Variants in ZNF229 observed in about 807,000 individuals in gnomAD.
The protein encoded by ZNF229 is zinc finger protein 229.
A neutral mutation model predicts 11.8 loss-of-function variants in ZNF229; 10 were observed. The observed-to-expected ratio is 0.85, with a 90% CI of 0.52 to 1.44. ZNF229 has a LOEUF of 1.44. Among genes scored for constraint, ZNF229 ranks in the 40% most tolerant of loss-of-function variants. ZNF229 has a pLI of 0.00. For synonymous variants in ZNF229, 368 were observed against 374.8 expected (o/e 0.98, Z 0.21); for missense variants, 1,045 against 1,015.1 (o/e 1.03, Z -0.40).
At chr19:44,446,269 A>T (rs138910894) in intron 2 of ZNF229, among the ~76,000 whole-genome samples, 51 of 152,338 alleles carry the variant, frequency 3.3e-4, no homozygotes, top group African/African-American at 1.2e-3. Context: ...AGTCTGAGGA[A>T]AACAGGTAAA....
At position 44,429,099 on chromosome 19, in the gene ZNF229, AT is replaced by A. The variant is rs1971649742; in HGVS notation, c.1681del (p.Ile561SerfsTer259). The A allele has an allele frequency of 1.9e-6, 3 of 1,612,488 alleles. No individual in the cohort carries two copies. In the East Asian group the frequency reaches 6.7e-5, roughly 36 times the overall value. On this transcript the variant is annotated frameshift_variant, in exon 6 of 6. Transcript: ENST00000614049. LOFTEE classifies it low-confidence loss of function (END_TRUNC). Reference protein sequence around the residue: ...KSFGRSSDLHIHQRVHTGEKP... With the variant: ...KSFGRSSDLHXHQRVHTGEKP... ...CTCTCCTGTGTGGACCCTCTGATGGATGTGGAGGTCGGAGCTCCGGCCAAAG... is the reference window on the plus strand; with the variant it reads ...CTCTCCTGTGTGGACCCTCTGATGGAGTGGAGGTCGGAGCTCCGGCCAAAG...
At chr19:44,432,098 T>C (rs562797713) in intron 5 of ZNF229, 124 bp downstream of exon 5, 2 of 1,470,258 alleles carry the variant, frequency 1.4e-6, no homozygotes, top group East Asian at 2.4e-5. Flanking sequence ...CCACTCAGTC[T>C]GGCAATTTTT....
chr19:44,429,400 A>G lies in ZNF229; in HGVS notation c.1381T>C (p.Tyr461His). ...CCCTTTCCACACTCGCCACAGCTGT[A>G]GGGCTTTTCTCCAGGGTGAATGTGC... Reference protein sequence around the residue: ...HQHIHPGEKPYSCGECGKGFS... With the variant: ...HQHIHPGEKPHSCGECGKGFS... The change falls in exon 6 of 6, where the codon TAC becomes CAC. Residue 461 changes from tyrosine to histidine, a missense_variant. By Grantham distance (83) the Tyr-to-His change is moderately conservative (BLOSUM62 2). Coordinates refer to ENST00000614049, the MANE Select transcript of ZNF229 (RefSeq NM_014518.4). 6.2e-7 allele frequency: 1 copy of G among 1,614,014 alleles called. No homozygotes were observed. The highest frequency in any genetic ancestry group is 1.1e-5 in the South Asian group (1 of 91,084).
At chr19:44,446,019 G>A (rs1439242080) in intron 2 of ZNF229, among the ~76,000 whole-genome samples, 2 of 152,180 alleles carry the variant, frequency 1.3e-5, no homozygotes, top group South Asian at 4.1e-4. Context: ...AACATTCTAG[G>A]TGGAAATCAG....
At position 44,429,891 on chromosome 19, in the gene ZNF229, T is replaced by C. The variant is rs567948020; in HGVS notation, c.890A>G (p.Glu297Gly). 5.5e-5 allele frequency: 89 copies of C among 1,614,028 alleles called. 1 individual carries two copies. In the Middle Eastern group the frequency reaches 6.6e-4, roughly 12 times the overall value. Residue 297 changes from glutamate to glycine, a missense_variant, in exon 6 of 6, where the codon GAG becomes GGG. Glu to Gly is a moderately conservative substitution (Grantham distance 98). Transcript: ENST00000614049. ...PLKEKLCQYD[E>G]FSEGLRHSAH... ...ACTGTGCCTCAAGCCCTCACTAAAC[T>C]CATCATATTGACAGAGTTTCTCTTT...
chr19:44,433,152 C>T (rs1357694323), intron 4 of ZNF229, among the ~76,000 whole-genome samples: 1 of 152,092 alleles, frequency 6.6e-6, no homozygotes, highest in Non-Finnish European at 1.5e-5. Context: ...CTCCAGGGTT[C>T]AAGCAATCCC....
At chr19:44,442,287 G>A (rs1162202545) in intron 4 of ZNF229, among the ~76,000 whole-genome samples, 1 of 152,144 alleles carries the variant, frequency 6.6e-6, no homozygotes, top group Non-Finnish European at 1.5e-5. Flanking sequence ...GGGCCTCTGC[G>A]TGAAGCTATT....
At chr19:44,433,050 A>C (rs958288888) in intron 4 of ZNF229, among the ~76,000 whole-genome samples, 2 of 151,778 alleles carry the variant, frequency 1.3e-5, no homozygotes, top group Non-Finnish European at 2.9e-5. Flanking sequence ...TCCTGTGCTC[A>C]CTTGGGGCAC....
At chr19:44,439,349 ATG>A (rs1377449177) in intron 4 of ZNF229, among the ~76,000 whole-genome samples, 2 of 152,234 alleles carry the variant, frequency 1.3e-5, no homozygotes, top group Non-Finnish European at 2.9e-5. Context: ...CAAAAATCAC[ATG>A]TGTTTGTACT....
Position 44,428,138 on chromosome 19 carries a change from T to A in ZNF229, c.*165A>T. 1.4e-6 allele frequency: 1 copy of A among 723,414 alleles called. No homozygotes were observed. Among genetic ancestry groups the A allele is most frequent in the East Asian group, 2.7e-5 (1 of 36,810 alleles). The allele number at this position is 723,414 out of a possible 1,614,324, so 44.8% of individuals were successfully genotyped here. On this transcript the variant is annotated 3_prime_UTR_variant, in exon 6 of 6. Transcript: ENST00000614049. ...AGTTTGTAACTGAAGTGCTAACCTA[T>A]TTATCACACATCCAGGTGTTCCCTT...
At chr19:44,445,079 G>A (rs552695161) in intron 2 of ZNF229, among the ~76,000 whole-genome samples, 1 of 152,224 alleles carries the variant, frequency 6.6e-6, no homozygotes, top group African/African-American at 2.4e-5. Flanking sequence ...GCCCCTAGAG[G>A]TACTTCTCTC....
At position 44,429,049 on chromosome 19, in the gene ZNF229, C is replaced by T; in HGVS notation, c.1732G>A (p.Gly578Arg). The change falls in exon 6 of 6, where the codon GGG (glycine) becomes AGG (arginine). Residue 578 changes from glycine to arginine, a missense_variant. Transcript: ENST00000614049. The stretch of plus-strand genomic sequence containing the variant: ...TCTGAATTCCGCCGGAAGCCCTTCC[C>T]ACACTCACTGCATTTATAGGGTTTC... ...GEKPYKCSEC[G>R]KGFRRNSDLH... is the part of the protein sequence containing the mutation. 1 of 1,613,916 alleles carries T rather than the reference C, an allele frequency of 6.2e-7. No individual in the cohort carries two copies. Among genetic ancestry groups the T allele is most frequent in the Non-Finnish European group, 8.5e-7 (1 of 1,179,964 alleles).
At position 44,429,256 on chromosome 19, in the gene ZNF229, T is replaced by C. The variant is rs1304746782; in HGVS notation, c.1525A>G (p.Arg509Gly). 2 of 1,614,006 alleles carry C rather than the reference T, an allele frequency of 1.2e-6. No individual in the cohort carries two copies. Among genetic ancestry groups the C allele is most frequent in the Non-Finnish European group, 1.7e-6 (2 of 1,180,012 alleles). ...SHNSYLQAHQ[R>G]VHMGQHLYKC... The stretch of plus-strand genomic sequence containing the variant: ...TACAGATGCTGCCCCATGTGAACTC[T>C]CTGGTGAGCTTGAAGGTACGAGTTG... The change falls in exon 6 of 6, where the codon AGA (arginine) becomes GGA (glycine). Residue 509 changes from arginine to glycine, a missense_variant. Arg to Gly is a moderately radical substitution (Grantham distance 125, BLOSUM62 -2). Transcript: ENST00000614049.
At position 44,427,983 on chromosome 19, in the gene ZNF229, C is replaced by T. The variant is rs761566842; in HGVS notation, c.*320G>A. The T allele has an allele frequency of 8.2e-6, 2 of 244,930 alleles. No individual in the cohort carries two copies. The highest frequency in any genetic ancestry group is 1.6e-5 in the Non-Finnish European group (2 of 126,140). 15.2% of individuals were successfully genotyped at this position (244,930 alleles called of 1,614,324 possible). A position where few individuals can be genotyped will look rare whatever the true frequency, so the allele number is the denominator to read the frequency against. On this transcript the variant is annotated 3_prime_UTR_variant, in exon 6 of 6. Transcript: ENST00000614049. ...CCATAATTAGCACCTTGGAAACATT[C>T]TCACCACTTGTACATTGTAAAAGCT...
chr19:44,429,556 C>T lies in ZNF229; in HGVS notation c.1225G>A (p.Glu409Lys), dbSNP rs985007369. ...HTGEKPYKCS[E>K]CGKGFSYSSV... ...CTGTAACTGAAGCCCTTCCCACACT[C>T]GCTGCATTTATATGGTTTCTCTCCA... The change falls in exon 6 of 6, where the codon GAG (glutamate) becomes AAG (lysine). Residue 409 changes from glutamate (E) to lysine (K), a missense_variant. Physicochemically the swap from Glu to Lys is moderately conservative, Grantham distance 56. Coordinates refer to ENST00000614049, the MANE Select transcript of ZNF229 (RefSeq NM_014518.4). 21 of 1,613,696 alleles carry T rather than the reference C, an allele frequency of 1.3e-5. 1 individual carries two copies. The East Asian group carries it at 1.3e-4, about 10-fold the overall frequency.
At chr19:44,433,144 C>T (rs910382808) in intron 4 of ZNF229, among the ~76,000 whole-genome samples, 3 of 152,066 alleles carry the variant, frequency 2.0e-5, no homozygotes, top group Non-Finnish European at 4.4e-5. Context: ...GCCTCAATCT[C>T]CAGGGTTCAA....
intron 4 of ZNF229, among the ~76,000 whole-genome samples, chr19:44,441,994 T>C (rs527953416): frequency 5.9e-5 from 9 of 152,354 alleles, no homozygotes; most frequent in African/African-American, 1.2e-4. Flanking sequence ...AGTCTTTTCA[T>C]ATGATTAGTG....
At position 44,442,895 on chromosome 19, in the gene ZNF229, C is replaced by T; in HGVS notation, c.-48G>A. On this transcript the variant is annotated 5_prime_UTR_variant, in exon 3 of 6. Coordinates refer to ENST00000614049, the MANE Select transcript of ZNF229 (RefSeq NM_014518.4). ...GCGAGCAGCAGCAACTGTATTTATT[C>T]TCTGGTTTTCCTAAGCTGGAGACGC... 2 of 1,548,818 alleles carry T rather than the reference C, an allele frequency of 1.3e-6. No individual in the cohort carries two copies. The highest frequency in any genetic ancestry group is 1.8e-6 in the Non-Finnish European group (2 of 1,137,874).
chr19:44,447,594 A>C lies in ZNF229; in HGVS notation c.-259T>G, dbSNP rs1270963139. The C allele has an allele frequency of 6.6e-6, 1 of 152,196 alleles. No homozygotes were observed. Among genetic ancestry groups the C allele is most frequent in the African/African-American group, 2.4e-5 (1 of 41,446 alleles). The allele number at this position is 152,196 out of a possible 1,614,324, so 9.4% of individuals were successfully genotyped here. A position where few individuals can be genotyped will look rare whatever the true frequency, so the allele number is the denominator to read the frequency against. ...CTCCGAGAAACGAACAATTCCAAGAAGGAAGCCTGTGAAAGAAAAATGAAC... is the reference window on the plus strand; with the variant it reads ...CTCCGAGAAACGAACAATTCCAAGACGGAAGCCTGTGAAAGAAAAATGAAC... On this transcript the variant is annotated 5_prime_UTR_variant, in exon 2 of 6. Transcript: ENST00000614049.
Sources: gnomAD v4.1 joint callset for allele counts (sites outside exome capture counted in the v4.1 genomes callset) on GRCh38, gnomAD v4.1.1 for gene constraint, MANE v1.5 for transcripts, NCBI Gene and HGNC (gene_info 2026-07-23, HGNC 2026-07-21) for gene names.